The following ZNF148 variants were observed in gnomAD, a reference collection of about 807,000 sequenced individuals.
ZNF148 encodes the protein zinc finger protein 148.
In ZNF148, 7 loss-of-function variants were observed where a neutral mutation model predicts 67.7. That is an observed-to-expected ratio of 0.10 (90% CI 0.06 to 0.19). The LOEUF (loss-of-function observed/expected upper bound fraction) is 0.19. Among genes scored for constraint, ZNF148 ranks in the 10% least tolerant of loss-of-function variants. ZNF148 has a pLI of 1.00. For missense variants in ZNF148, 583 were observed against 947.1 expected, an observed-to-expected ratio of 0.62 and a Z score of 5.05; for synonymous variants, 333 against 330.7, an observed-to-expected ratio of 1.01 and a Z score of -0.08.
At chr3:125,285,459 G>A (rs1443632956) in intron 5 of ZNF148, among the ~76,000 whole-genome samples, 1 of 152,038 alleles carries the variant, frequency 6.6e-6, no homozygotes, top group African/African-American at 2.4e-5. Flanking sequence ...CCTGGAGATG[G>A]CAGACCAGTG....
At chr3:125,285,861 T>C (rs1435360196) in intron 5 of ZNF148, among the ~76,000 whole-genome samples, 1 of 152,202 alleles carries the variant, frequency 6.6e-6, no homozygotes, top group Non-Finnish European at 1.5e-5. Flanking sequence ...ACTTAAATAA[T>C]ACCTTTAGAA....
chr3:125,372,514 A>C (rs899131040), intron 1 of ZNF148, among the ~76,000 whole-genome samples: 6 of 152,236 alleles, frequency 3.9e-5, no homozygotes, highest in African/African-American at 1.4e-4. Context: ...ATCAAGAAAT[A>C]ATATTATATG....
chr3:125,361,021 C>A (rs1046459809), intron 1 of ZNF148, among the ~76,000 whole-genome samples: 7 of 151,504 alleles, frequency 4.6e-5, no homozygotes, highest in Admixed American at 6.6e-5. Context: ...ACAGAGAAGA[C>A]CCTGTCTGAA....
chr3:125,297,777 T>C (rs1939361352), intron 4 of ZNF148, among the ~76,000 whole-genome samples: 1 of 152,172 alleles, frequency 6.6e-6, no homozygotes, highest in Non-Finnish European at 1.5e-5. Flanking sequence ...AGAGCAATTA[T>C]TATAAATTGG....
chr3:125,310,490 A>G (rs1365597767), intron 4 of ZNF148, among the ~76,000 whole-genome samples: 1 of 152,202 alleles, frequency 6.6e-6, no homozygotes, highest in African/African-American at 2.4e-5. Context: ...AGGAAAATTT[A>G]TAGTATGAAT....
chr3:125,292,082 T>C (rs569576198), intron 4 of ZNF148, among the ~76,000 whole-genome samples: 20 of 152,332 alleles, frequency 1.3e-4, no homozygotes, highest in African/African-American at 1.4e-4. Flanking sequence ...ATTTCCAAGA[T>C]AGAACTGCAA....
intron 1 of ZNF148, chr3:125,344,002 C>CA (rs1018599263): frequency 2.4e-5 from 4 of 164,852 alleles, no homozygotes; most frequent in Admixed American, 1.3e-4. Flanking sequence ...TTGAAATGTT[C>CA]AAAAAAAATG....
intron 7 of ZNF148, among the ~76,000 whole-genome samples, chr3:125,275,778 T>C (rs1348802051): frequency 6.6e-6 from 1 of 152,184 alleles, no homozygotes; most frequent in Non-Finnish European, 1.5e-5. Context: ...AAAAAAGAAT[T>C]CATACTCACA....
At position 125,232,241 on chromosome 3, in the gene ZNF148, T is replaced by C; in HGVS notation, c.*100A>G. 7.5e-7 allele frequency: 1 copy of C among 1,340,510 alleles called. No individual in the cohort carries two copies. Among genetic ancestry groups the C allele is most frequent in the East Asian group, 2.4e-5 (1 of 40,824 alleles). The allele number at this position is 1,340,510 out of a possible 1,614,324, so 83.0% of individuals were successfully genotyped here. A position where few individuals can be genotyped will look rare whatever the true frequency, so the allele number is the denominator to read the frequency against. On this transcript the variant is annotated 3_prime_UTR_variant, in exon 9 of 9. Transcript: ENST00000360647. The surrounding 1 kb of genome is among the most constrained non-coding windows in gnomAD (Gnocchi z 4.2). ...TATCAGCTTAACTTGTTATTACGCA[T>C]TGCTCTTAAATCTGTACAGCACTCC...
At chr3:125,243,296 T>C (rs13060274) in intron 7 of ZNF148, among the ~76,000 whole-genome samples, 3,900 of 152,294 alleles carry the variant, frequency 0.026, 98 homozygotes, top group Middle Eastern at 0.078. Context: ...CCTGCGTATG[T>C]GTGTGTGGCT....
At chr3:125,371,814 C>T (rs1353872594) in intron 1 of ZNF148, among the ~76,000 whole-genome samples, 1 of 151,966 alleles carries the variant, frequency 6.6e-6, no homozygotes, top group Non-Finnish European at 1.5e-5. Context: ...ACTGTAATCC[C>T]AGCATTTTGG....
At chr3:125,357,039 T>G (rs184332385) in intron 1 of ZNF148, 1 of 152,326 alleles carries the variant, frequency 6.6e-6, no homozygotes, top group African/African-American at 2.4e-5. Context: ...AAAAGAGGAA[T>G]AAGAAGAAAA....
At chr3:125,261,829 T>G (rs1369430875) in intron 7 of ZNF148, among the ~76,000 whole-genome samples, 1 of 150,076 alleles carries the variant, frequency 6.7e-6, no homozygotes, top group Non-Finnish European at 1.5e-5. Context: ...TGACAAGTTT[T>G]TTTTTTTTTT....
At chr3:125,340,767 A>G (rs1206639920) in intron 1 of ZNF148, among the ~76,000 whole-genome samples, 3 of 151,972 alleles carry the variant, frequency 2.0e-5, no homozygotes, top group Non-Finnish European at 2.9e-5. Context: ...CGGGCGGATC[A>G]CGAGGTCAGG....
intron 1 of ZNF148, among the ~76,000 whole-genome samples, chr3:125,364,713 C>T (rs35694328): frequency 0.76 from 115,777 of 152,080 alleles, 44,669 homozygotes; most frequent in African/African-American, 0.87. Context: ...TTCTGGAAGT[C>T]GGAAATGTCC....
rs185761404 is a variant in ZNF148, at chr3:125,313,493, G to T, written c.148C>A (p.Arg50=). 1 of 1,614,042 alleles carries T rather than the reference G, an allele frequency of 6.2e-7. No individual in the cohort carries two copies. Among genetic ancestry groups the T allele is most frequent in the Non-Finnish European group, 8.5e-7 (1 of 1,180,002 alleles). The stretch of plus-strand genomic sequence containing the variant: ...AGGATCTCCTGGTGAGGCATACTTC[G>T]ATCTTGAAGTACTGAATCCTGTAGC... ...GELQDSVLQD[R]SMPHQEILAA... The change falls in exon 4 of 9, where the codon CGA becomes AGA. Residue 50 remains arginine, a synonymous_variant. Transcript: ENST00000360647.
At chr3:125,244,676 C>A (rs537954536) in intron 7 of ZNF148, among the ~76,000 whole-genome samples, 5 of 151,874 alleles carry the variant, frequency 3.3e-5, no homozygotes, top group Non-Finnish European at 5.9e-5. Flanking sequence ...TTTTGTATTA[C>A]TAGTAGAGAT....
chr3:125,262,848 T>G (rs547982552), intron 7 of ZNF148, among the ~76,000 whole-genome samples: 1 of 152,228 alleles, frequency 6.6e-6, no homozygotes, highest in Non-Finnish European at 1.5e-5. Flanking sequence ...ATTGACACTA[T>G]TGGTTCAATG....
rs1336126689 is a variant in ZNF148, at chr3:125,371,378, G to C, written c.-234+3724C>G. Among the ~76,000 whole-genome samples, 165 of 128,318 alleles carry C rather than the reference G, an allele frequency of 1.3e-3. 1 individual carries two copies. In the East Asian group the frequency reaches 0.033, roughly 26 times the overall value. The allele number at this position is 128,318 out of a possible 152,430, so 84.2% of individuals were successfully genotyped here. ...TTTCAAAAAAAAAAAAAAAAGGGGG[G>C]GGGGGGGGCAGGGCGAAGTGGCTCA... On this transcript the variant is annotated intron_variant, in intron 1 of 8. Transcript: ENST00000360647.
Sources: gnomAD v4.1 joint callset for allele counts (sites outside exome capture counted in the v4.1 genomes callset) on GRCh38, gnomAD v4.1.1 for gene constraint, Gnocchi (gnomAD v3.1) non-coding constraint, MANE v1.5 for transcripts, NCBI Gene and HGNC (gene_info 2026-07-23, HGNC 2026-07-21) for gene names.